CYB5R4: variants seen among roughly 807,000 people sequenced by gnomAD.
CYB5R4 encodes N-terminal cytochrome b5 and cytochrome b5 oxidoreductase domain-containing protein.
A neutral mutation model predicts 70.2 loss-of-function variants in CYB5R4; 55 were observed. That is an observed-to-expected ratio of 0.78 (90% CI 0.63 to 0.98). The LOEUF is 0.98. Among genes scored for constraint, CYB5R4 ranks in the 50% least tolerant of loss-of-function variants. CYB5R4 has a pLI of 0.00. For missense variants in CYB5R4, 562 were observed against 612.6 expected (o/e 0.92, Z 0.87); for synonymous variants, 197 against 199.5 (o/e 0.99, Z 0.11).
intron 5 of CYB5R4, 106 bp from the exon 6 acceptor site, chr6:83,917,899 T>TGTA (rs2099465765): frequency 3.5e-6 from 3 of 859,382 alleles, no homozygotes; most frequent in Admixed American, 4.4e-5. Context: ...ATTTGTGATT[T>TGTA]GTATCCTTTT....
At position 83,909,016 on chromosome 6, in the gene CYB5R4, G is replaced by A. The variant is rs748251097; in HGVS notation, c.338G>A (p.Arg113His). The change falls in exon 4 of 16, where the codon CGT becomes CAT. Residue 113 changes from arginine (R) to histidine (H), a missense_variant. By Grantham distance (29) the Arg-to-His change is conservative. Transcript: ENST00000369681. The stretch of plus-strand genomic sequence containing the variant: ...ATTTGTTTTACATACCAGGTTCATC[G>A]TTGGGTCAATTATGAATCCATGCTG... The part of the protein sequence containing the change: ...DGTELFDQVH[R>H]WVNYESMLKE... The A allele has an allele frequency of 1.4e-5, 23 of 1,613,068 alleles. No homozygotes were observed. Among genetic ancestry groups the A allele is most frequent in the South Asian group, 4.4e-5 (4 of 90,998 alleles).
At chr6:83,959,759 T>G in intron 15 of CYB5R4, 65 bp from the exon 16 acceptor site, 2 of 1,363,498 alleles carry the variant, frequency 1.5e-6, no homozygotes, top group Admixed American at 4.1e-5. Flanking sequence ...GGTGGTAAAC[T>G]GCTCTTATTT....
intron 2 of CYB5R4, among the ~76,000 whole-genome samples, chr6:83,891,074 CA>C (rs2099461052): frequency 6.6e-6 from 1 of 152,004 alleles, no homozygotes; most frequent in African/African-American, 2.4e-5. Flanking sequence ...TCCCAAGTAG[CA>C]GGGGGACTAC....
At chr6:83,861,419 A>G (rs1184051388) in intron 1 of CYB5R4, among the ~76,000 whole-genome samples, 2 of 152,260 alleles carry the variant, frequency 1.3e-5, no homozygotes, top group East Asian at 1.9e-4. Flanking sequence ...AAGGTCGTGT[A>G]TTATACAAAA....
chr6:83,937,565 G>A (rs2099469117), intron 12 of CYB5R4, among the ~76,000 whole-genome samples: 1 of 152,118 alleles, frequency 6.6e-6, no homozygotes, highest in Non-Finnish European at 1.5e-5. Flanking sequence ...TGCTGCCCAG[G>A]CTGGAGTGCA....
intron 9 of CYB5R4, 57 bp from the exon 10 acceptor site, chr6:83,924,413 A>G: frequency 6.4e-7 from 1 of 1,569,754 alleles, no homozygotes; most frequent in Non-Finnish European, 8.7e-7. Context: ...ACTGGTTTTA[A>G]AATAAAATCT....
In CYB5R4 at chr6:83,886,641, C is replaced by T. The variant is rs61762795; in HGVS notation, c.230-6881C>T. 6.9e-3 allele frequency among the ~76,000 whole-genome samples: 1,056 copies of T among 152,156 alleles called. 9 individuals carry two copies. Among genetic ancestry groups the T allele is most frequent in the Non-Finnish European group, 0.012 (794 of 67,988 alleles). On this transcript the variant is annotated intron_variant, in intron 2 of 15. Coordinates refer to ENST00000369681, the MANE Select transcript of CYB5R4 (RefSeq NM_016230.4). ...AGGGGTAGGGTGGATGGGAGTAATG[C>T]CATGTAAGGATGTTTCTGTGTACTG...
intron 14 of CYB5R4, among the ~76,000 whole-genome samples, chr6:83,946,708 G>A (rs1172396194): frequency 2.6e-5 from 4 of 152,206 alleles, no homozygotes; most frequent in African/African-American, 9.6e-5. Context: ...AAGCTGATAA[G>A]CAACTTCAGC....
chr6:83,959,302 T>A (rs1003353636), intron 15 of CYB5R4, among the ~76,000 whole-genome samples: 7 of 152,166 alleles, frequency 4.6e-5, no homozygotes, highest in Non-Finnish European at 1.0e-4. Context: ...TGAAATAGTC[T>A]TGTCAAAAAG....
chr6:83,932,861 G>A (rs1239508474), intron 10 of CYB5R4, among the ~76,000 whole-genome samples: 1 of 152,196 alleles, frequency 6.6e-6, no homozygotes, highest in East Asian at 1.9e-4. Context: ...CAGGCAGTAA[G>A]AGTGCAGGTC....
intron 7 of CYB5R4, among the ~76,000 whole-genome samples, chr6:83,920,681 A>T (rs2099466227): frequency 1.4e-5 from 2 of 141,204 alleles, no homozygotes; most frequent in Admixed American, 1.6e-4. Context: ...CATACATTAC[A>T]GGAAAGATAA....
chr6:83,957,622 C>CAAAAAAAAAAAAAA (rs34196225), intron 15 of CYB5R4, among the ~76,000 whole-genome samples: 1 of 66,948 alleles, frequency 1.5e-5, no homozygotes, highest in Non-Finnish European at 3.4e-5. Flanking sequence ...AACTCTGTCT[C>CAAAAAAAAAAAAAA]AAAAAAAAAA....
intron 2 of CYB5R4, among the ~76,000 whole-genome samples, chr6:83,880,121 C>T (rs917867392): frequency 6.6e-6 from 1 of 152,126 alleles, no homozygotes; most frequent in African/African-American, 2.4e-5. Context: ...TTTTTATTGA[C>T]ACGTAATTGT....
chr6:83,939,995 G>A (rs1328208633), intron 12 of CYB5R4, 61 bp from the exon 13 acceptor site: 1 of 1,292,418 alleles, frequency 7.7e-7, no homozygotes, highest in Non-Finnish European at 1.1e-6. Context: ...TTCCCCGCTG[G>A]GTTTTTTGTT....
Position 83,873,515 on chromosome 6 carries a change from AC to A in CYB5R4, c.229+9188del, listed in dbSNP as rs199726568. 9.9e-3 allele frequency among the ~76,000 whole-genome samples: 1,510 copies of A among 152,288 alleles called. 27 individuals are homozygous for A. Among genetic ancestry groups the A allele is most frequent in the African/African-American group, 0.034 (1,416 of 41,548 alleles). ...CTCAGCCTCCCAAAGTGCTGGGATT[AC>A]AGGCATGAGCCACCTTCTGAGACAG... On this transcript the variant is annotated intron_variant, in intron 2 of 15. Transcript: ENST00000369681.
At chr6:83,908,403 C>T (rs1209534992) in intron 3 of CYB5R4, among the ~76,000 whole-genome samples, 5 of 152,086 alleles carry the variant, frequency 3.3e-5, no homozygotes, top group Non-Finnish European at 7.4e-5. Flanking sequence ...CAAACAATCA[C>T]CTAAGTGTCT....
intron 3 of CYB5R4, among the ~76,000 whole-genome samples, chr6:83,906,116 C>T (rs1369597486): frequency 6.6e-6 from 1 of 152,130 alleles, no homozygotes; most frequent in Non-Finnish European, 1.5e-5. Context: ...AGGGAGACAG[C>T]AGTTGTGGTG....
At chr6:83,863,996 TTGTG>T (rs2099456380) in intron 1 of CYB5R4, among the ~76,000 whole-genome samples, 175 bp from the exon 2 acceptor site, 1 of 152,192 alleles carries the variant, frequency 6.6e-6, no homozygotes, top group African/African-American at 2.4e-5. Flanking sequence ...TGGTGAAAAT[TTGTG>T]TGGTAGAATT....
At chr6:83,910,037 A>T in intron 4 of CYB5R4, 2 of 1,612,244 alleles carry the variant, frequency 1.2e-6, no homozygotes, top group Non-Finnish European at 1.7e-6. Context: ...GCTGGTACGC[A>T]TGCATTGGAC....
Sources: allele counts gnomAD v4.1 joint callset (sites outside exome capture counted in the v4.1 genomes callset), GRCh38; gene constraint gnomAD v4.1.1; transcripts MANE v1.5; gene names NCBI Gene and HGNC (gene_info 2026-07-23, HGNC 2026-07-21).